The following ANKS1B variants were observed in gnomAD, a reference collection of about 807,000 sequenced individuals.
The protein encoded by ANKS1B is ankyrin repeat and sterile alpha motif domain containing 1B.
Under a neutral mutation model 148.3 loss-of-function variants are expected in ANKS1B, and 36 were observed. That is an observed-to-expected ratio of 0.24 (90% CI 0.19 to 0.32). The LOEUF (loss-of-function observed/expected upper bound fraction) is 0.32, where lower values mean the gene tolerates loss of function less well. Among genes scored for constraint, ANKS1B ranks in the 10% least tolerant of loss-of-function variants. The pLI, the probability that ANKS1B is intolerant of heterozygous loss-of-function variation, is 1.00. For missense variants in ANKS1B, 1,157 were observed against 1,542.6 expected (o/e 0.75, Z 4.19); for synonymous variants, 542 against 560.8 (o/e 0.97, Z 0.47).
chr12:99,005,345 C>T (rs1042089564), intron 17 of ANKS1B, among the ~76,000 whole-genome samples: 1 of 152,146 alleles, frequency 6.6e-6, no homozygotes, highest in Non-Finnish European at 1.5e-5. Context: ...ACAAATAGCT[C>T]CTGTGCAGCT....
intron 15 of ANKS1B, among the ~76,000 whole-genome samples, chr12:99,090,578 T>C (rs1040853722): frequency 1.3e-5 from 2 of 152,142 alleles, no homozygotes; most frequent in African/African-American, 2.4e-5. Flanking sequence ...GACAGCAAGA[T>C]CTTACAAACT....
chr12:98,945,269 G>T (rs991579258), intron 17 of ANKS1B, among the ~76,000 whole-genome samples: 1 of 152,084 alleles, frequency 6.6e-6, no homozygotes, highest in Non-Finnish European at 1.5e-5. Flanking sequence ...ATCGAGATGG[G>T]CAGATCACTT....
chr12:99,702,811 C>G (rs570290043), intron 8 of ANKS1B, among the ~76,000 whole-genome samples: 13 of 151,818 alleles, frequency 8.6e-5, no homozygotes, highest in African/African-American at 2.9e-4. Flanking sequence ...CTTTGGTTGC[C>G]TGTGCTTTGG....
At chr12:99,554,152 T>C (rs964822516) in intron 9 of ANKS1B, among the ~76,000 whole-genome samples, 2 of 152,140 alleles carry the variant, frequency 1.3e-5, no homozygotes, top group African/African-American at 2.4e-5. Context: ...AAGACACATC[T>C]CAGCCTACAG....
chr12:99,546,106 T>A (rs912364301), intron 9 of ANKS1B, among the ~76,000 whole-genome samples: 1 of 152,082 alleles, frequency 6.6e-6, no homozygotes, highest in African/African-American at 2.4e-5. Flanking sequence ...AGAAGATTAA[T>A]AAAATGCAGC....
At chr12:99,401,502 T>A (rs2094402517) in intron 11 of ANKS1B, among the ~76,000 whole-genome samples, 1 of 146,680 alleles carries the variant, frequency 6.8e-6, no homozygotes, top group Non-Finnish European at 1.5e-5. Flanking sequence ...CTTAAATACA[T>A]GTTTCTGAAT....
rs2064074313 is a variant in ANKS1B at position 99,779,868 on chromosome 12, T to C, written c.847+3A>G. ...AACTCATCCATCATTCAATACTGTT[T>C]ACCTTGTAAGAGTGTTGCAATCTGG... On this transcript the variant is annotated splice_donor_region_variant and intron_variant, in intron 6 of 26. Coordinates refer to ENST00000683438, the MANE Select transcript of ANKS1B (RefSeq NM_001352186.2). 5 of 1,605,590 alleles carry C rather than the reference T, an allele frequency of 3.1e-6. No individual in the cohort carries two copies. The highest frequency in any genetic ancestry group is 4.3e-6 in the Non-Finnish European group (5 of 1,172,610).
At chr12:98,770,134 G>A (rs2098547503) in intron 25 of ANKS1B, among the ~76,000 whole-genome samples, 1 of 152,168 alleles carries the variant, frequency 6.6e-6, no homozygotes, top group Non-Finnish European at 1.5e-5. Flanking sequence ...CTCTACATAT[G>A]TTCTTTCATT....
intron 12 of ANKS1B, among the ~76,000 whole-genome samples, chr12:99,269,126 T>C (rs2131163): frequency 0.073 from 11,130 of 152,296 alleles, 454 homozygotes; most frequent in Non-Finnish European, 0.094. Context: ...CTAATTCTTA[T>C]CTGGGAAATG....
At chr12:99,689,328 G>A (rs571366248) in intron 8 of ANKS1B, among the ~76,000 whole-genome samples, 1 of 152,304 alleles carries the variant, frequency 6.6e-6, no homozygotes. Context: ...CAGCCATGTA[G>A]AGATTAAGAA....
intron 9 of ANKS1B, among the ~76,000 whole-genome samples, chr12:99,607,292 C>T (rs1383455244): frequency 2.0e-5 from 3 of 152,064 alleles, no homozygotes; most frequent in Non-Finnish European, 4.4e-5. Flanking sequence ...GCAGTCATTC[C>T]CCCTAGCTTT....
At position 99,731,413 on chromosome 12, in the gene ANKS1B, CGTGTGTGTGTGTGTGTGTGT is replaced by C. The variant is rs71088145; in HGVS notation, c.1128+41489_1128+41508del. Reference sequence around the variant, plus strand: ...GGATTATAGGCGTGAACCACCGTGCCGTGTGTGTGTGTGTGTGTGTGTGTGTGTGTGTGTGTGTGTGTGTG... The same window carrying C: ...GGATTATAGGCGTGAACCACCGTGCCGTGTGTGTGTGTGTGTGTGTGTGTG... On this transcript the variant is annotated intron_variant, in intron 8 of 26. Coordinates refer to ENST00000683438, the MANE Select transcript of ANKS1B (RefSeq NM_001352186.2). Among the ~76,000 whole-genome samples, 205 of 143,804 alleles carry C rather than the reference CGTGTGTGTGTGTGTGTGTGT, an allele frequency of 1.4e-3. 1 individual carries two copies. The highest frequency in any genetic ancestry group is 3.9e-3 in the African/African-American group (150 of 38,398). The allele number at this position is 143,804 out of a possible 152,430, so 94.3% of individuals were successfully genotyped here.
chr12:99,327,100 A>C (rs1226354620), intron 12 of ANKS1B, among the ~76,000 whole-genome samples: 1 of 128,584 alleles, frequency 7.8e-6, no homozygotes, highest in Non-Finnish European at 1.6e-5. Context: ...ATAATATATC[A>C]ATATATATTA....
chr12:98,884,805 CA>C (rs35160751), intron 17 of ANKS1B, among the ~76,000 whole-genome samples: 315 of 83,800 alleles, frequency 3.8e-3, no homozygotes, highest in East Asian at 0.017. Flanking sequence ...GACTCCGTCT[CA>C]AAAAAAAAAA....
chr12:99,125,613 T>G (rs897441864), intron 15 of ANKS1B, among the ~76,000 whole-genome samples: 1 of 152,092 alleles, frequency 6.6e-6, no homozygotes, highest in African/African-American at 2.4e-5. Context: ...ACAGATAAAG[T>G]CGAGGTGATA....
intron 14 of ANKS1B, among the ~76,000 whole-genome samples, chr12:99,222,710 C>T (rs986799780): frequency 4.6e-5 from 7 of 152,186 alleles, no homozygotes; most frequent in Admixed American, 1.3e-4. Context: ...GAATATGGCT[C>T]ATTTTTATTG....
chr12:99,371,696 A>G (rs1486463251), intron 12 of ANKS1B, among the ~76,000 whole-genome samples: 1 of 152,160 alleles, frequency 6.6e-6, no homozygotes, highest in Non-Finnish European at 1.5e-5. Flanking sequence ...TTACAATTTC[A>G]TATCTAAAGA....
chr12:99,637,317 TA>T (rs1263821201), intron 9 of ANKS1B, among the ~76,000 whole-genome samples: 1 of 152,030 alleles, frequency 6.6e-6, no homozygotes, highest in Non-Finnish European at 1.5e-5. Context: ...AAAATAGTAA[TA>T]ATAATAATTG....
intron 3 of ANKS1B, among the ~76,000 whole-genome samples, chr12:99,808,308 T>C (rs923851405): frequency 6.6e-6 from 1 of 151,940 alleles, no homozygotes. Flanking sequence ...AAGTTGAGAG[T>C]CTAGAGGGAA....
Sources: gnomAD v4.1 joint callset for allele counts (sites outside exome capture counted in the v4.1 genomes callset) on GRCh38, gnomAD v4.1.1 for gene constraint, MANE v1.5 for transcripts, NCBI Gene and HGNC (gene_info 2026-07-23, HGNC 2026-07-21) for gene names.